The following CCDC141 variants were observed in gnomAD, a reference collection of about 807,000 sequenced individuals.
CCDC141 encodes coiled-coil domain-containing protein 141.
A neutral mutation model predicts 181.0 loss-of-function variants in CCDC141; 168 were observed. That is an observed-to-expected ratio of 0.93 (90% CI 0.82 to 1.05). CCDC141 has a LOEUF of 1.05. Among genes scored for constraint, CCDC141 ranks in the 50% least tolerant of loss-of-function variants. The pLI is 0.00. For synonymous variants in CCDC141, 666 were observed against 642.3 expected (o/e 1.04, Z -0.56); for missense variants, 1,902 against 1,788.5 (o/e 1.06, Z -1.14).
At chr2:178,845,829 C>T in intron 21 of CCDC141, 87 bp from the exon 22 acceptor site, 2 of 776,130 alleles carry the variant, frequency 2.6e-6, no homozygotes, top group Admixed American at 1.9e-5. Flanking sequence ...AAAACATAGA[C>T]CACTTGCAAC....
intron 11 of CCDC141, among the ~76,000 whole-genome samples, chr2:178,879,834 T>C (rs1420932060): frequency 6.6e-6 from 1 of 152,204 alleles, no homozygotes; most frequent in Non-Finnish European, 1.5e-5. Context: ...TGTGTAAAAG[T>C]GTGAAACACT....
intron 4 of CCDC141, among the ~76,000 whole-genome samples, chr2:178,962,709 C>T (rs180847629): frequency 3.2e-4 from 49 of 151,304 alleles, no homozygotes; most frequent in African/African-American, 1.2e-3. Context: ...ACACTTACAA[C>T]AATGGCACCC....
chr2:178,966,057 A>AGACT (rs1690615305), intron 4 of CCDC141, among the ~76,000 whole-genome samples: 1 of 152,246 alleles, frequency 6.6e-6, no homozygotes, highest in South Asian at 2.1e-4. Context: ...TGCTGTGGCC[A>AGACT]GACTGCCATA....
intron 12 of CCDC141, 150 bp from the exon 13 acceptor site, chr2:178,872,462 A>G: frequency 2.9e-6 from 2 of 680,666 alleles, no homozygotes; most frequent in Non-Finnish European, 4.8e-6. Context: ...CCCTGCGCAG[A>G]GGCACAGTTC....
At chr2:178,899,156 A>G (rs1309650253) in intron 8 of CCDC141, among the ~76,000 whole-genome samples, 1 of 152,152 alleles carries the variant, frequency 6.6e-6, no homozygotes, top group Non-Finnish European at 1.5e-5. Flanking sequence ...ATTGTGTTTC[A>G]TTTGCCTATA....
chr2:178,957,912 G>A (rs1489217904), intron 5 of CCDC141, among the ~76,000 whole-genome samples: 1 of 152,130 alleles, frequency 6.6e-6, no homozygotes, highest in East Asian at 1.9e-4. Flanking sequence ...ATTTTTTGTA[G>A]AGACAGGGTC....
At chr2:179,030,285 G>A (rs188280941) in intron 2 of CCDC141, among the ~76,000 whole-genome samples, 6 of 151,954 alleles carry the variant, frequency 3.9e-5, no homozygotes, top group East Asian at 1.9e-4. Flanking sequence ...TTATGCATTC[G>A]TCACTCAAGT....
At chr2:178,982,504 G>C (rs144498413) in intron 2 of CCDC141, among the ~76,000 whole-genome samples, 3,939 of 152,310 alleles carry the variant, frequency 0.026, 177 homozygotes, top group African/African-American at 0.089. Flanking sequence ...ACAGCTCCCA[G>C]CCTGAGCGAC....
chr2:178,822,263 G>T, the CCDC141 span, among the ~76,000 whole-genome samples: 36 of 151,782 alleles, frequency 2.4e-4, no homozygotes, highest in Non-Finnish European at 4.4e-4. Context: ...GTTGTGGGGT[G>T]GGGGGAGTGG....
chr2:178,938,153 A>C (rs1211251230), intron 6 of CCDC141, among the ~76,000 whole-genome samples: 1 of 151,982 alleles, frequency 6.6e-6, no homozygotes, highest in Non-Finnish European at 1.5e-5. Context: ...TTGCAATGAT[A>C]GGTTGTTAGT....
intron 2 of CCDC141, among the ~76,000 whole-genome samples, chr2:179,036,192 GTC>G (rs1303192981): frequency 6.6e-6 from 1 of 152,140 alleles, no homozygotes; most frequent in African/African-American, 2.4e-5. Context: ...TTACTCTTCA[GTC>G]TCTGCCTACA....
chr2:178,836,750 G>A, intron 23 of CCDC141, 144 bp downstream of exon 23: 1 of 828,820 alleles, frequency 1.2e-6, no homozygotes, highest in Non-Finnish European at 1.9e-6. Context: ...AGAGGGGTCT[G>A]ATGTGAGATT....
intron 4 of CCDC141, among the ~76,000 whole-genome samples, chr2:178,971,861 T>G (rs905655725): frequency 4.0e-5 from 6 of 151,834 alleles, no homozygotes; most frequent in Non-Finnish European, 8.8e-5. Flanking sequence ...CACTCATAAG[T>G]GGGAGTTGAA....
chr2:179,027,646 C>CAAAAA lies in CCDC141; in HGVS notation c.225+19633_225+19637dup, dbSNP rs71023466. Among the ~76,000 whole-genome samples, 44 of 53,264 alleles carry CAAAAA rather than the reference C, an allele frequency of 8.3e-4. 1 individual carries two copies. Among genetic ancestry groups the CAAAAA allele is most frequent in the African/African-American group, 2.7e-3 (39 of 14,450 alleles). The allele number at this position is 53,264 out of a possible 152,430, so 34.9% of individuals were successfully genotyped here. On this transcript the variant is annotated intron_variant, in intron 2 of 23. Transcript: ENST00000443758. ...GGCAACAGAGTGAGACTCTTACTCT[C>CAAAAA]AAAAAAAAAAAAAAAAAAAAAAAAA...
chr2:179,032,983 T>C (rs2043040084), intron 2 of CCDC141, among the ~76,000 whole-genome samples: 1 of 147,898 alleles, frequency 6.8e-6, no homozygotes, highest in Non-Finnish European at 1.5e-5. Flanking sequence ...CATTATTATA[T>C]ATCTCAGAAT....
intron 11 of CCDC141, among the ~76,000 whole-genome samples, chr2:178,879,442 A>G (rs147937481): frequency 6.6e-6 from 1 of 152,284 alleles, no homozygotes; most frequent in East Asian, 1.9e-4. Context: ...TCCATATTCC[A>G]TTTATACATG....
intron 6 of CCDC141, among the ~76,000 whole-genome samples, chr2:178,924,899 G>C (rs544696925): frequency 1.8e-4 from 28 of 152,350 alleles, no homozygotes; most frequent in Admixed American, 3.3e-4. Flanking sequence ...ACTCCAGCTA[G>C]AGTGGTACAC....
At chr2:178,903,404 A>G (rs898231901) in intron 8 of CCDC141, among the ~76,000 whole-genome samples, 1 of 152,132 alleles carries the variant, frequency 6.6e-6, no homozygotes, top group Non-Finnish European at 1.5e-5. Context: ...TGGCACATAT[A>G]CACCATGGAA....
chr2:178,912,240 A>G (rs1352881880), intron 7 of CCDC141, among the ~76,000 whole-genome samples: 2 of 152,224 alleles, frequency 1.3e-5, no homozygotes, highest in African/African-American at 2.4e-5. Flanking sequence ...GAATGTGCTT[A>G]CTGCCAACAG....
Sources: allele counts gnomAD v4.1 joint callset (sites outside exome capture counted in the v4.1 genomes callset), GRCh38; gene constraint gnomAD v4.1.1; transcripts MANE v1.5; gene names NCBI Gene and HGNC (gene_info 2026-07-23, HGNC 2026-07-21).